The following TFDP2 variants were observed in gnomAD, a reference collection of about 807,000 sequenced individuals.
TFDP2 encodes the protein transcription factor Dp-2 (E2F dimerization partner 2).
Under a neutral mutation model 59.3 loss-of-function variants are expected in TFDP2, and 17 were observed. The ratio of observed to expected loss-of-function variants is 0.29; its 90% confidence interval spans 0.20 to 0.43. The LOEUF is 0.43. Ranked by LOEUF, TFDP2 falls within the 20% of genes least tolerant of loss-of-function variation. The pLI is 1.00. For synonymous variants in TFDP2, 180 were observed against 194.7 expected, an observed-to-expected ratio of 0.92 and a Z score of 0.63; for missense variants, 391 against 528.8, an observed-to-expected ratio of 0.74 and a Z score of 2.56.
intron 3 of TFDP2, among the ~76,000 whole-genome samples, chr3:142,060,057 G>A (rs141510651): frequency 7.2e-5 from 11 of 151,876 alleles, no homozygotes; most frequent in Admixed American, 2.0e-4. Context: ...ATTTTAATGG[G>A]TACTTGAATA....
chr3:142,048,873 C>T (rs1270872236), intron 3 of TFDP2, among the ~76,000 whole-genome samples: 2 of 152,098 alleles, frequency 1.3e-5, no homozygotes, highest in African/African-American at 4.8e-5. Context: ...GCCCGAAAGA[C>T]GTAATTTGAA....
At position 142,087,359 on chromosome 3, in the gene TFDP2, CCTAAACATAG is replaced by C. The variant is rs111448825; in HGVS notation, c.82+5692_82+5701del. Among the ~76,000 whole-genome samples, 819 of 152,122 alleles carry C rather than the reference CCTAAACATAG, an allele frequency of 5.4e-3. 3 individuals carry two copies. The highest frequency in any genetic ancestry group is 0.018 in the African/African-American group (759 of 41,486). On this transcript the variant is annotated intron_variant, in intron 3 of 12. Coordinates refer to ENST00000489671, the MANE Select transcript of TFDP2 (RefSeq NM_001178139.2). ...GTAACACATGGTAAGTATTTGTGTA[CCTAAACATAG>C]CTAAACATAGAAAAGGTACAGTAAA...
chr3:142,145,340 A>G (rs1258076596), intron 1 of TFDP2: 1 of 152,208 alleles, frequency 6.6e-6, no homozygotes, highest in African/African-American at 2.4e-5. Context: ...TGTTCAAAAA[A>G]AGAGAAATGG....
At chr3:142,078,602 C>A (rs2060540706) in intron 3 of TFDP2, among the ~76,000 whole-genome samples, 1 of 152,182 alleles carries the variant, frequency 6.6e-6, no homozygotes, top group Non-Finnish European at 1.5e-5. Context: ...AATGCAGATA[C>A]AGCTGCCATG....
intron 3 of TFDP2, among the ~76,000 whole-genome samples, chr3:142,058,008 T>C (rs146194591): frequency 1.3e-5 from 2 of 152,348 alleles, no homozygotes; most frequent in East Asian, 3.9e-4. Flanking sequence ...TTATGGCCTA[T>C]AAAATAGTCA....
At chr3:142,037,260 A>C (rs1240132594) in intron 3 of TFDP2, among the ~76,000 whole-genome samples, 1 of 152,234 alleles carries the variant, frequency 6.6e-6, no homozygotes, top group Admixed American at 6.5e-5. Flanking sequence ...ACTTGTGAAG[A>C]TATAATTCCT....
At chr3:142,090,528 CTGTCTTT>C (rs923949018) in intron 3 of TFDP2, among the ~76,000 whole-genome samples, 1 of 151,418 alleles carries the variant, frequency 6.6e-6, no homozygotes, top group Non-Finnish European at 1.5e-5. Context: ...TCTTTGTCTT[CTGTCTTT>C]TGGAAGCATT....
chr3:142,042,000 T>C (rs755606650), intron 3 of TFDP2, among the ~76,000 whole-genome samples: 1 of 152,224 alleles, frequency 6.6e-6, no homozygotes, highest in Non-Finnish European at 1.5e-5. Context: ...CTCTTTATTC[T>C]GTTCTACTGA....
At position 142,089,137 on chromosome 3, in the gene TFDP2, G is replaced by C. The variant is rs182725744; in HGVS notation, c.82+3924C>G. 1.8e-3 allele frequency among the ~76,000 whole-genome samples: 277 copies of C among 151,938 alleles called. 4 individuals are homozygous for C. Among genetic ancestry groups the C allele is most frequent in the African/African-American group, 6.0e-3 (248 of 41,422 alleles). On this transcript the variant is annotated intron_variant, in intron 3 of 12. Coordinates refer to ENST00000489671, the MANE Select transcript of TFDP2 (RefSeq NM_001178139.2). ...AGTCACTGCGTCCAGCAGGGTTTAA[G>C]ATCTTTAACCTCAATTGAGTTCAGT... is the stretch of plus-strand genomic sequence containing the variant.
chr3:142,002,027 C>G (rs1300832802), intron 4 of TFDP2, among the ~76,000 whole-genome samples: 2 of 148,414 alleles, frequency 1.3e-5, no homozygotes, highest in African/African-American at 5.0e-5. Context: ...CAAAGTCTCG[C>G]TCTGTTGCCC....
At chr3:142,061,668 T>C (rs1036027526) in intron 3 of TFDP2, among the ~76,000 whole-genome samples, 3 of 152,110 alleles carry the variant, frequency 2.0e-5, no homozygotes, top group African/African-American at 7.2e-5. Context: ...TGGCCTAGAA[T>C]TGGGACTTGT....
At chr3:142,141,468 G>A (rs562966179) in intron 1 of TFDP2, among the ~76,000 whole-genome samples, 21 of 152,324 alleles carry the variant, frequency 1.4e-4, no homozygotes, top group Admixed American at 3.3e-4. Flanking sequence ...GCTGGGAGCT[G>A]CAGACTGGAG....
At chr3:142,109,186 T>C (rs554485448) in intron 1 of TFDP2, among the ~76,000 whole-genome samples, 1 of 152,226 alleles carries the variant, frequency 6.6e-6, no homozygotes, top group African/African-American at 2.4e-5. Flanking sequence ...CAAGAAATAT[T>C]TGTTAAATGA....
chr3:141,959,895 GT>G lies in TFDP2; in HGVS notation c.885-56del, dbSNP rs1270330786. 5.8e-6 allele frequency: 9 copies of G among 1,555,966 alleles called. No individual in the cohort carries two copies. The South Asian group carries it at 9.4e-5, about 16-fold the overall frequency. On this transcript the variant is annotated intron_variant, in intron 10 of 12. Coordinates refer to ENST00000489671, the MANE Select transcript of TFDP2 (RefSeq NM_001178139.2). ...TGGTGGTGCTGGAGAGGTCTGAATA[GT>G]TTTGTATTCTATAGTTTAAGTAACA... is the stretch of plus-strand genomic sequence containing the variant.
intron 3 of TFDP2, among the ~76,000 whole-genome samples, chr3:142,084,996 A>G (rs1426794265): frequency 2.0e-5 from 3 of 151,958 alleles, no homozygotes; most frequent in South Asian, 2.1e-4. Context: ...TCTCAGCTCA[A>G]TGCAACCTCT....
At chr3:141,986,184 A>G (rs1942078931) in intron 6 of TFDP2, among the ~76,000 whole-genome samples, 1 of 152,200 alleles carries the variant, frequency 6.6e-6, no homozygotes, top group African/African-American at 2.4e-5. Flanking sequence ...TTTTCTTCTT[A>G]TGTAGTCCTG....
intron 3 of TFDP2, among the ~76,000 whole-genome samples, chr3:142,008,113 T>G (rs75836241): frequency 0.07 from 10,590 of 152,192 alleles, 473 homozygotes; most frequent in Non-Finnish European, 0.11. Context: ...TGGGGAACAA[T>G]GAACAATACC....
At chr3:141,957,448 G>A (rs1369525725) in intron 11 of TFDP2, among the ~76,000 whole-genome samples, 1 of 152,108 alleles carries the variant, frequency 6.6e-6, no homozygotes, top group Non-Finnish European at 1.5e-5. Flanking sequence ...ATATGACCCA[G>A]CAATTTCACT....
chr3:142,125,258 T>G (rs1327448401), intron 1 of TFDP2, among the ~76,000 whole-genome samples: 2 of 152,024 alleles, frequency 1.3e-5, no homozygotes, highest in African/African-American at 4.8e-5. Flanking sequence ...TAAAAATACG[T>G]TCAGCCCACT....
Sources: allele counts gnomAD v4.1 joint callset (sites outside exome capture counted in the v4.1 genomes callset), GRCh38; gene constraint gnomAD v4.1.1; transcripts MANE v1.5; gene names NCBI Gene and HGNC (gene_info 2026-07-23, HGNC 2026-07-21).